Variants in SNX13 observed in about 807,000 individuals in gnomAD.
The protein encoded by SNX13 is sorting nexin 13.
A neutral mutation model predicts 133.6 loss-of-function variants in SNX13; 45 were observed. That is an observed-to-expected ratio of 0.34 (90% CI 0.27 to 0.43). The LOEUF (loss-of-function observed/expected upper bound fraction) is 0.43. Among genes scored for constraint, SNX13 ranks in the 20% least tolerant of loss-of-function variants. SNX13 has a pLI of 1.00. For missense variants in SNX13, 1,032 were observed against 1,145.1 expected, an observed-to-expected ratio of 0.90 and a Z score of 1.43; for synonymous variants, 414 against 373.9, an observed-to-expected ratio of 1.11 and a Z score of -1.24.
chr7:17,921,871 C>A (rs530285594), intron 1 of SNX13, among the ~76,000 whole-genome samples: 4 of 152,348 alleles, frequency 2.6e-5, no homozygotes, highest in African/African-American at 4.8e-5. Context: ...CATAAACATT[C>A]TTCTCTATCA....
At chr7:17,843,204 A>C (rs1426498372) in intron 12 of SNX13, among the ~76,000 whole-genome samples, 1 of 152,076 alleles carries the variant, frequency 6.6e-6, no homozygotes, top group Non-Finnish European at 1.5e-5. Context: ...TTAGATACAA[A>C]GACATAAATA....
intron 1 of SNX13, among the ~76,000 whole-genome samples, chr7:17,935,283 C>T (rs1695792731): frequency 6.6e-6 from 1 of 152,134 alleles, no homozygotes; most frequent in South Asian, 2.1e-4. Flanking sequence ...ACAAATACCA[C>T]ACGATCTCAC....
chr7:17,806,398 A>T (rs933762770), intron 20 of SNX13, among the ~76,000 whole-genome samples: 1 of 152,232 alleles, frequency 6.6e-6, no homozygotes, highest in Non-Finnish European at 1.5e-5. Flanking sequence ...TTTGCAGATG[A>T]TCTACTTTAA....
chr7:17,883,644 G>A (rs1174455673), intron 5 of SNX13, among the ~76,000 whole-genome samples: 1 of 151,952 alleles, frequency 6.6e-6, no homozygotes, highest in Non-Finnish European at 1.5e-5. Context: ...CACGTGCCAT[G>A]GTGGCTTGCT....
rs141269537 is a variant in SNX13 at position 17,830,913 on chromosome 7, T to C, written c.1598-866A>G. The C allele has an allele frequency of 2.3e-3, 2,293 of 984,426 alleles. 5 individuals carry two copies. The highest frequency in any genetic ancestry group is 2.6e-3 in the Non-Finnish European group (2,196 of 829,212). The allele number at this position is 984,426 out of a possible 1,614,324, so 61.0% of individuals were successfully genotyped here. A position where few individuals can be genotyped will look rare whatever the true frequency, so the allele number is the denominator to read the frequency against. Reference sequence around the variant, plus strand: ...ACTATTCCTACAAGGAGGCAGCTGATATTGCCTTCCAAATTTACTCTAAAT... The same window carrying C: ...ACTATTCCTACAAGGAGGCAGCTGACATTGCCTTCCAAATTTACTCTAAAT... On this transcript the variant is annotated intron_variant, in intron 15 of 25. Transcript: ENST00000428135.
intron 11 of SNX13, among the ~76,000 whole-genome samples, chr7:17,848,883 G>A (rs760083000): frequency 5.9e-5 from 9 of 152,192 alleles, no homozygotes; most frequent in Non-Finnish European, 1.3e-4. Flanking sequence ...AATATCACAT[G>A]CTCAGGTTTT....
chr7:17,914,162 C>A (rs1262934646), intron 1 of SNX13, among the ~76,000 whole-genome samples: 1 of 150,610 alleles, frequency 6.6e-6, no homozygotes, highest in East Asian at 2.0e-4. Context: ...TCCTGCAAAT[C>A]CACCCAGTCA....
intron 13 of SNX13, 119 bp downstream of exon 13, chr7:17,839,688 T>C (rs566416246): frequency 1.5e-5 from 11 of 736,908 alleles, no homozygotes; most frequent in Admixed American, 1.4e-4. Flanking sequence ...GACAGGAAGA[T>C]TGTTATCGAT....
chr7:17,899,048 A>G (rs978162878), intron 1 of SNX13: 2 of 152,188 alleles, frequency 1.3e-5, no homozygotes, highest in African/African-American at 4.8e-5. Flanking sequence ...TAAGTAGGAC[A>G]TAGTTATTTA....
rs749314790 is a variant in SNX13 at position 17,834,807 on chromosome 7, T to C, written c.1418A>G (p.Asn473Ser). The C allele has an allele frequency of 1.2e-6, 2 of 1,610,238 alleles. No individual in the cohort carries two copies. The highest frequency in any genetic ancestry group is 4.5e-5 in the East Asian group (2 of 44,666). Residue 473 changes from asparagine (N) to serine (S), a missense_variant, in exon 14 of 26, where the codon AAT (asparagine) becomes AGT (serine). Physicochemically the swap from Asn to Ser is conservative, Grantham distance 46. Transcript: ENST00000428135. ...YLVAKLADTL[N>S]HEDPTPEIFD... ...GATTTCAGGGGTTGGATCTTCATGA[T>C]TCAAAGTATCTGCTAATTTTGCTAC...
intron 10 of SNX13, 74 bp from the exon 11 acceptor site, chr7:17,850,509 A>C: frequency 1.2e-6 from 1 of 849,930 alleles, no homozygotes; most frequent in Non-Finnish European, 1.7e-6. Context: ...CACTTACTGT[A>C]ATTTAACAAA....
chr7:17,914,666 G>C (rs987542370), intron 1 of SNX13, among the ~76,000 whole-genome samples: 11 of 152,130 alleles, frequency 7.2e-5, no homozygotes, highest in African/African-American at 2.7e-4. Context: ...GTCCTTCCCA[G>C]ACAGTCACTA....
chr7:17,833,012 A>C (rs950943463), intron 15 of SNX13, among the ~76,000 whole-genome samples: 1 of 151,528 alleles, frequency 6.6e-6, no homozygotes, highest in Non-Finnish European at 1.5e-5. Context: ...TCCATTCTCA[A>C]GTGTGCTTGC....
intron 8 of SNX13, among the ~76,000 whole-genome samples, chr7:17,871,888 C>T (rs532152201): frequency 2.0e-5 from 3 of 152,200 alleles, no homozygotes; most frequent in South Asian, 2.1e-4. Flanking sequence ...ACACTACATG[C>T]GAACCTATAA....
chr7:17,841,383 G>C (rs921865275), intron 12 of SNX13, among the ~76,000 whole-genome samples: 9 of 152,008 alleles, frequency 5.9e-5, no homozygotes, highest in African/African-American at 1.9e-4. Context: ...CACAAGTTCA[G>C]AATAGTCTTG....
intron 13 of SNX13, 105 bp from the exon 14 acceptor site, chr7:17,834,970 G>T: frequency 1.5e-6 from 1 of 671,488 alleles, no homozygotes; most frequent in Non-Finnish European, 2.4e-6. Context: ...TAACTGGCAG[G>T]TAAGAATCAT....
At chr7:17,852,047 C>T (rs1791275109) in intron 9 of SNX13, among the ~76,000 whole-genome samples, 1 of 152,176 alleles carries the variant, frequency 6.6e-6, no homozygotes, top group African/African-American at 2.4e-5. Context: ...AATCAACAAA[C>T]TTTGGTGTTC....
chr7:17,845,147 T>A (rs1790339141), intron 12 of SNX13, among the ~76,000 whole-genome samples: 1 of 116,770 alleles, frequency 8.6e-6, no homozygotes, highest in Admixed American at 9.7e-5. Context: ...AGTGTGTGCG[T>A]GTGTGTACAC....
At chr7:17,893,237 T>A in intron 3 of SNX13, 95 bp downstream of exon 3, 1 of 742,218 alleles carries the variant, frequency 1.3e-6, no homozygotes. Context: ...TAGTAAACTA[T>A]ACGAAAATTT....
Sources: allele counts gnomAD v4.1 joint callset (sites outside exome capture counted in the v4.1 genomes callset), GRCh38; gene constraint gnomAD v4.1.1; transcripts MANE v1.5; gene names NCBI Gene and HGNC (gene_info 2026-07-23, HGNC 2026-07-21).